HCN1: variants seen among roughly 807,000 people sequenced by gnomAD.
HCN1 encodes potassium/sodium hyperpolarization-activated cyclic nucleotide-gated channel 1.
HCN1 carries 13 observed loss-of-function variants against 78.9 expected under a neutral mutation model. The observed-to-expected ratio is 0.16, with a 90% CI of 0.11 to 0.26. HCN1 has a LOEUF of 0.26. Ranked by LOEUF, HCN1 falls within the 10% of genes least tolerant of loss-of-function variation. The pLI is 1.00. For synonymous variants in HCN1, 552 were observed against 455.5 expected (o/e 1.21, Z -2.70); for missense variants, 810 against 1,154.3 (o/e 0.70, Z 4.32).
rs1006351885 is a variant in HCN1, at chr5:45,266,972, G to C, written c.1783+117C>G. Reference sequence around the variant, plus strand: ...GATCCACCTGCCTTGGCCTCCCAAAGTGATGGGATTACAGGCATGAGTCAC... The same window carrying C: ...GATCCACCTGCCTTGGCCTCCCAAACTGATGGGATTACAGGCATGAGTCAC... On this transcript the variant is annotated intron_variant, in intron 7 of 7. Transcript: ENST00000303230. 4.5e-6 allele frequency: 4 copies of C among 890,508 alleles called. No individual in the cohort carries two copies. In the African/African-American group the frequency reaches 6.7e-5, roughly 15 times the overall value. The allele number at this position is 890,508 out of a possible 1,614,324, so 55.2% of individuals were successfully genotyped here. A position where few individuals can be genotyped will look rare whatever the true frequency, so the allele number is the denominator to read the frequency against.
At chr5:45,302,643 T>G (rs1745650689) in intron 6 of HCN1, among the ~76,000 whole-genome samples, 1 of 151,208 alleles carries the variant, frequency 6.6e-6, no homozygotes, top group African/African-American at 2.4e-5. Context: ...ATATATATAA[T>G]TTTAATAAAA....
At chr5:45,328,407 A>G (rs1746277584) in intron 5 of HCN1, among the ~76,000 whole-genome samples, 1 of 151,568 alleles carries the variant, frequency 6.6e-6, no homozygotes, top group Non-Finnish European at 1.5e-5. Flanking sequence ...GCATATACGA[A>G]TGACCAGCAT....
intron 2 of HCN1, among the ~76,000 whole-genome samples, chr5:45,614,204 T>C (rs751403421): frequency 6.6e-5 from 10 of 152,120 alleles, no homozygotes; most frequent in Admixed American, 2.6e-4. Context: ...CAATATCTTA[T>C]CTTGCGGATC....
Position 45,510,535 on chromosome 5 carries a change from G to T in HCN1, c.850-48528C>A, listed in dbSNP as rs1933804897. Reference sequence around the variant, plus strand: ...CTGGAACACATAATCATCTGAAGTGGGTATACCAAATATAGTGAGAATTAG... The same window carrying T: ...CTGGAACACATAATCATCTGAAGTGTGTATACCAAATATAGTGAGAATTAG... On this transcript the variant is annotated intron_variant, in intron 2 of 7. Transcript: ENST00000303230. Among the ~76,000 whole-genome samples, 2 of 151,852 alleles carry T rather than the reference G, an allele frequency of 1.3e-5. 1 individual carries two copies. The highest frequency in any genetic ancestry group is 4.8e-5 in the African/African-American group (2 of 41,364).
At chr5:45,518,886 T>C (rs1009727409) in intron 2 of HCN1, among the ~76,000 whole-genome samples, 7 of 151,874 alleles carry the variant, frequency 4.6e-5, no homozygotes, top group Non-Finnish European at 1.0e-4. Context: ...AGAAAAACTT[T>C]AAAAATGCCT....
intron 6 of HCN1, among the ~76,000 whole-genome samples, chr5:45,284,341 C>T (rs560384653): frequency 6.6e-6 from 1 of 152,094 alleles, no homozygotes; most frequent in African/African-American, 2.4e-5. Context: ...AATCTGTAAC[C>T]CTGTAACCCC....
intron 3 of HCN1, among the ~76,000 whole-genome samples, chr5:45,441,600 A>T (rs1740682324): frequency 6.6e-6 from 1 of 151,972 alleles, no homozygotes; most frequent in Non-Finnish European, 1.5e-5. Flanking sequence ...CTGAACAACA[A>T]CTCTTGTGAT....
At chr5:45,448,666 C>G (rs1740846483) in intron 3 of HCN1, among the ~76,000 whole-genome samples, 1 of 152,138 alleles carries the variant, frequency 6.6e-6, no homozygotes, top group South Asian at 2.1e-4. Context: ...TCTAGGTATA[C>G]AGTACATCTG....
At chr5:45,474,033 T>C (rs1445064955) in intron 2 of HCN1, among the ~76,000 whole-genome samples, 1 of 151,884 alleles carries the variant, frequency 6.6e-6, no homozygotes, top group Non-Finnish European at 1.5e-5. Flanking sequence ...ATTTTGTTTG[T>C]CATTCATATT....
At chr5:45,588,039 T>C (rs1389975292) in intron 2 of HCN1, among the ~76,000 whole-genome samples, 6 of 152,268 alleles carry the variant, frequency 3.9e-5, no homozygotes, top group Non-Finnish European at 7.4e-5. Context: ...AGACATCAAA[T>C]CTTCAGAATT....
chr5:45,562,990 A>G (rs1385360748), intron 2 of HCN1, among the ~76,000 whole-genome samples: 9 of 152,160 alleles, frequency 5.9e-5, no homozygotes, highest in Non-Finnish European at 1.3e-4. Context: ...AGAATTCTGT[A>G]CTGAAACATA....
At chr5:45,628,669 C>T (rs773197473) in intron 2 of HCN1, among the ~76,000 whole-genome samples, 2 of 152,016 alleles carry the variant, frequency 1.3e-5, no homozygotes, top group Non-Finnish European at 2.9e-5. Flanking sequence ...TCACTTGAAA[C>T]ACACACATTG....
chr5:45,372,039 TA>T (rs1214792242), intron 4 of HCN1, among the ~76,000 whole-genome samples: 3 of 58,606 alleles, frequency 5.1e-5, no homozygotes, highest in African/African-American at 2.7e-4. Flanking sequence ...TAATTATATA[TA>T]TATTATATAT....
In HCN1 at chr5:45,624,294, G is replaced by A. The variant is rs116170560; in HGVS notation, c.849+20891C>T. ...ACTTAGGAGGGTTACAATAACCCAC[G>A]CAAGAGATTATGGTGGCTCCATACA... On this transcript the variant is annotated intron_variant, in intron 2 of 7. Coordinates refer to ENST00000303230, the MANE Select transcript of HCN1 (RefSeq NM_021072.4). 6.7e-3 allele frequency among the ~76,000 whole-genome samples: 1,019 copies of A among 152,304 alleles called. 12 individuals carry two copies. Among genetic ancestry groups the A allele is most frequent in the African/African-American group, 0.024 (978 of 41,574 alleles).
At chr5:45,496,473 A>C (rs563173486) in intron 2 of HCN1, among the ~76,000 whole-genome samples, 1 of 152,192 alleles carries the variant, frequency 6.6e-6, no homozygotes. Flanking sequence ...CACTGGTAGA[A>C]GTTGGCTGTG....
chr5:45,685,072 T>A (rs898159017), intron 1 of HCN1, among the ~76,000 whole-genome samples: 1 of 152,192 alleles, frequency 6.6e-6, no homozygotes, highest in African/African-American at 2.4e-5. Context: ...CTGTCAAATT[T>A]ATAGATTTCT....
chr5:45,325,066 A>G (rs960351322), intron 5 of HCN1, among the ~76,000 whole-genome samples: 4 of 151,672 alleles, frequency 2.6e-5, no homozygotes, highest in African/African-American at 9.7e-5. Context: ...TGGAGCAGGA[A>G]CAGAATGTAC....
At chr5:45,412,480 G>GT (rs1740042955) in intron 3 of HCN1, among the ~76,000 whole-genome samples, 1 of 152,038 alleles carries the variant, frequency 6.6e-6, no homozygotes. Flanking sequence ...TGCAGATGAG[G>GT]TTTGGGAGGA....
intron 2 of HCN1, among the ~76,000 whole-genome samples, chr5:45,566,831 G>A (rs1450802081): frequency 6.6e-6 from 1 of 152,190 alleles, no homozygotes; most frequent in Non-Finnish European, 1.5e-5. Flanking sequence ...ATGGTTTCTT[G>A]TGCAACGAAT....
Sources: gnomAD v4.1 joint callset for allele counts (sites outside exome capture counted in the v4.1 genomes callset) on GRCh38, gnomAD v4.1.1 for gene constraint, MANE v1.5 for transcripts, NCBI Gene and HGNC (gene_info 2026-07-23, HGNC 2026-07-21) for gene names.